Variants in CNTN4 observed in about 807,000 individuals in gnomAD.
CNTN4 encodes contactin 4.
In CNTN4, 77 loss-of-function variants were observed where a neutral mutation model predicts 122.5. The ratio of observed to expected loss-of-function variants is 0.63; its 90% CI spans 0.52 to 0.76. CNTN4 has a LOEUF of 0.76. Among genes scored for constraint, CNTN4 ranks in the 30% least tolerant of loss-of-function variants. The pLI, the probability that CNTN4 is intolerant of heterozygous loss-of-function variation, is 0.00. For missense variants in CNTN4, 1,256 were observed against 1,259.1 expected, an observed-to-expected ratio of 1.00 and a Z score of 0.04; for synonymous variants, 512 against 447.0, an observed-to-expected ratio of 1.15 and a Z score of -1.83.
At chr3:3,037,399 T>C in intron 18 of CNTN4, 71 bp downstream of exon 18, 1 of 1,598,442 alleles carries the variant, frequency 6.3e-7, no homozygotes, top group South Asian at 1.1e-5. Context: ...GTTTGAATTC[T>C]TGCTGCTCTT....
intron 2 of CNTN4, among the ~76,000 whole-genome samples, chr3:2,147,326 CTA>C (rs1008053028): frequency 6.6e-6 from 1 of 151,798 alleles, no homozygotes; most frequent in African/African-American, 2.4e-5. Flanking sequence ...CTGATTTTAA[CTA>C]TGTGTGTTCT....
intron 14 of CNTN4, among the ~76,000 whole-genome samples, chr3:2,998,376 G>A (rs910278012): frequency 3.9e-5 from 6 of 152,104 alleles, no homozygotes; most frequent in Admixed American, 3.3e-4. Flanking sequence ...TTAAATAAAT[G>A]CATATTCCTG....
chr3:2,616,616 T>C (rs934147396), intron 4 of CNTN4, among the ~76,000 whole-genome samples: 3 of 152,204 alleles, frequency 2.0e-5, no homozygotes, highest in Admixed American at 1.3e-4. Flanking sequence ...GCATTCCTAT[T>C]TCTCCATAGT....
intron 7 of CNTN4, among the ~76,000 whole-genome samples, chr3:2,859,433 A>C (rs1327505695): frequency 6.6e-6 from 1 of 152,090 alleles, no homozygotes; most frequent in Non-Finnish European, 1.5e-5. Flanking sequence ...ATATAGGGAA[A>C]CTATAACAGA....
At chr3:2,765,642 G>A (rs987852302) in intron 6 of CNTN4, among the ~76,000 whole-genome samples, 8 of 152,106 alleles carry the variant, frequency 5.3e-5, no homozygotes, top group African/African-American at 1.9e-4. Context: ...ATGCCTTAGA[G>A]TTTTTAATAC....
At chr3:2,756,025 G>A (rs1434552252) in intron 6 of CNTN4, among the ~76,000 whole-genome samples, 2 of 152,018 alleles carry the variant, frequency 1.3e-5, no homozygotes, top group Non-Finnish European at 2.9e-5. Context: ...TGCCATTCGG[G>A]GAAAAGGGAG....
intron 2 of CNTN4, among the ~76,000 whole-genome samples, chr3:2,296,084 T>G (rs2042300468): frequency 6.6e-6 from 1 of 152,178 alleles, no homozygotes; most frequent in Admixed American, 6.5e-5. Context: ...ACTGTAGCCT[T>G]GTAGTATAGT....
At chr3:3,045,266 G>C (rs1700527168) in intron 23 of CNTN4, among the ~76,000 whole-genome samples, 1 of 152,208 alleles carries the variant, frequency 6.6e-6, no homozygotes, top group African/African-American at 2.4e-5. Context: ...CTGTCTGACA[G>C]CTTTGAAGAG....
chr3:2,145,720 T>C (rs1268226758), intron 2 of CNTN4, among the ~76,000 whole-genome samples: 1 of 152,224 alleles, frequency 6.6e-6, no homozygotes, highest in African/African-American at 2.4e-5. Context: ...GAAATTTCAA[T>C]CCTATTTGTT....
chr3:3,021,189 A>G lies in CNTN4; in HGVS notation c.1487-4913A>G, dbSNP rs577365329. 1.8e-4 allele frequency among the ~76,000 whole-genome samples: 27 copies of G among 152,298 alleles called. No homozygotes were observed. In the East Asian group the frequency reaches 5.2e-3, roughly 29 times the overall value. Reference sequence around the variant, plus strand: ...GAAAAGGTTGGTCCCACTTGAAATCACTATGAATTTTGATTCTCATCTAAT... The same window carrying G: ...GAAAAGGTTGGTCCCACTTGAAATCGCTATGAATTTTGATTCTCATCTAAT... On this transcript the variant is annotated intron_variant, in intron 14 of 24. Coordinates refer to ENST00000418658, the MANE Select transcript of CNTN4 (RefSeq NM_175607.3).
At chr3:2,268,665 ATGTATCATCTATTTATC>A (rs2041151991) in intron 2 of CNTN4, among the ~76,000 whole-genome samples, 1 of 152,098 alleles carries the variant, frequency 6.6e-6, no homozygotes, top group African/African-American at 2.4e-5. Context: ...CTACCTACCT[ATGTATCATCTATTTATC>A]TGTCAATCAA....
At chr3:2,218,846 C>T (rs1456054615) in intron 2 of CNTN4, among the ~76,000 whole-genome samples, 1 of 152,174 alleles carries the variant, frequency 6.6e-6, no homozygotes, top group African/African-American at 2.4e-5. Flanking sequence ...TTTCCTAGAG[C>T]AATTCCAATT....
intron 2 of CNTN4, among the ~76,000 whole-genome samples, chr3:2,323,077 A>G (rs984243821): frequency 6.6e-6 from 1 of 152,148 alleles, no homozygotes; most frequent in Admixed American, 6.6e-5. Context: ...TTTTTCTTGC[A>G]AGAGCTCTCT....
Position 2,673,784 on chromosome 3 carries a change from C to T in CNTN4, c.56-62431C>T, listed in dbSNP as rs528034374. 2.4e-4 allele frequency among the ~76,000 whole-genome samples: 36 copies of T among 152,276 alleles called. 1 individual carries two copies. The South Asian group carries it at 3.7e-3, about 16-fold the overall frequency. ...GTCTTGATTTCCCGACCTCGTGATC[C>T]GCCTGCCTCAGCCTCCCAAAGTGCT... On this transcript the variant is annotated intron_variant, in intron 4 of 24. Coordinates refer to ENST00000418658, the MANE Select transcript of CNTN4 (RefSeq NM_175607.3).
At chr3:2,395,549 C>T (rs35000138) in intron 3 of CNTN4, among the ~76,000 whole-genome samples, 26,119 of 152,086 alleles carry the variant, frequency 0.17, 2,732 homozygotes, top group Middle Eastern at 0.25. Context: ...TCATCACCCA[C>T]GCAGTGAGCA....
intron 13 of CNTN4, among the ~76,000 whole-genome samples, chr3:2,979,363 A>G (rs1437928381): frequency 3.9e-5 from 6 of 152,144 alleles, no homozygotes; most frequent in African/African-American, 2.4e-5. Context: ...GAACCAGGGG[A>G]ATGAGAAGAG....
intron 2 of CNTN4, among the ~76,000 whole-genome samples, chr3:2,227,583 A>G (rs558000847): frequency 6.6e-6 from 1 of 152,212 alleles, no homozygotes; most frequent in African/African-American, 2.4e-5. Context: ...CTGCACTTCC[A>G]CCCATTTTAA....
chr3:2,509,725 A>C (rs2076830550), intron 3 of CNTN4, among the ~76,000 whole-genome samples: 1 of 152,178 alleles, frequency 6.6e-6, no homozygotes, highest in South Asian at 2.1e-4. Flanking sequence ...AAACGCTAAC[A>C]CAGTTTGGGT....
chr3:2,856,648 T>C (rs1377850224), intron 7 of CNTN4, among the ~76,000 whole-genome samples: 1 of 152,220 alleles, frequency 6.6e-6, no homozygotes, highest in African/African-American at 2.4e-5. Context: ...TCTTTGCAGC[T>C]ACAAGCGACC....
Sources: allele counts gnomAD v4.1 joint callset (sites outside exome capture counted in the v4.1 genomes callset), GRCh38; gene constraint gnomAD v4.1.1; transcripts MANE v1.5; gene names NCBI Gene and HGNC (gene_info 2026-07-23, HGNC 2026-07-21).